SLC25A12: variants seen among roughly 807,000 people sequenced by gnomAD.
SLC25A12 encodes electrogenic aspartate/glutamate antiporter SLC25A12, mitochondrial.
A neutral mutation model predicts 83.3 loss-of-function variants in SLC25A12; 32 were observed. That is an observed-to-expected ratio of 0.38 (90% confidence interval 0.29 to 0.52). The LOEUF is 0.52. Ranked by LOEUF, SLC25A12 falls within the 20% of genes least tolerant of loss-of-function variation. The pLI is 0.84. For missense variants in SLC25A12, 611 were observed against 835.6 expected, an observed-to-expected ratio of 0.73 and a Z score of 3.31; for synonymous variants, 267 against 291.1, an observed-to-expected ratio of 0.92 and a Z score of 0.84.
rs557124832 is a variant in SLC25A12 at position 171,874,398 on chromosome 2, T to C, written c.67-5575A>G. Among the ~76,000 whole-genome samples, 19 of 152,086 alleles carry C rather than the reference T, an allele frequency of 1.2e-4. No homozygotes were observed. In the East Asian group the frequency reaches 2.1e-3, roughly 17 times the overall value. ...CAAGAGCAGAACTCCATCTCAAATT[T>C]AAAAAAAGAAAAAAGAAAATACTAG... On this transcript the variant is annotated intron_variant, in intron 2 of 17. Coordinates refer to ENST00000422440, the MANE Select transcript of SLC25A12 (RefSeq NM_003705.5).
At chr2:171,835,019 A>T (rs898760576) in intron 6 of SLC25A12, among the ~76,000 whole-genome samples, 154 bp from the exon 7 acceptor site, 1 of 152,266 alleles carries the variant, frequency 6.6e-6, no homozygotes, top group Admixed American at 6.5e-5. Flanking sequence ...TATCACACTG[A>T]AACAGTGCAC....
chr2:171,875,839 G>C (rs1007294331), intron 2 of SLC25A12, among the ~76,000 whole-genome samples: 1 of 150,316 alleles, frequency 6.7e-6, no homozygotes, highest in Non-Finnish European at 1.5e-5. Context: ...TGTTAACCCG[G>C]GCGGCGGAGC....
At chr2:171,839,562 T>C (rs562242011) in intron 5 of SLC25A12, among the ~76,000 whole-genome samples, 13 of 152,228 alleles carry the variant, frequency 8.5e-5, no homozygotes, top group African/African-American at 3.1e-4. Flanking sequence ...CTTGTACATT[T>C]AACTCCACCG....
chr2:171,843,795 C>CTTTTTTTT (rs71013078), intron 5 of SLC25A12, among the ~76,000 whole-genome samples: 3 of 117,298 alleles, frequency 2.6e-5, no homozygotes, highest in Non-Finnish European at 5.0e-5. Context: ...AAAGAACTAG[C>CTTTTTTTT]TTTTTTTTTT....
chr2:171,800,767 C>A lies in SLC25A12; in HGVS notation c.1306-7000G>T, dbSNP rs1683695373. Among the ~76,000 whole-genome samples, 8 of 152,246 alleles carry A rather than the reference C, an allele frequency of 5.3e-5. No homozygotes were observed. In the South Asian group the frequency reaches 1.7e-3, roughly 32 times the overall value. Reference sequence around the variant, plus strand: ...GGTAAATTCGTACGATGAAATACTACTCAGCAAAATTTAAAACAAACACAA... The same window carrying A: ...GGTAAATTCGTACGATGAAATACTAATCAGCAAAATTTAAAACAAACACAA... On this transcript the variant is annotated intron_variant, in intron 13 of 17. Coordinates refer to ENST00000422440, the MANE Select transcript of SLC25A12 (RefSeq NM_003705.5).
Position 171,837,239 on chromosome 2 carries a change from G to A in SLC25A12, c.494C>T (p.Ala165Val). 1 of 1,613,996 alleles carries A rather than the reference G, an allele frequency of 6.2e-7. No homozygotes were observed. Among genetic ancestry groups the A allele is most frequent in the South Asian group, 1.1e-5 (1 of 91,062 alleles). Residue 165 changes from alanine to valine, a missense_variant, in exon 6 of 18, where the codon GCC becomes GTC. Physicochemically the swap from Ala to Val is moderately conservative, Grantham distance 64. Transcript: ENST00000422440. ...QELQLEHARQ[A>V]FALKDKSKSG... is the part of the protein sequence containing the mutation. ...TTTGCTTTTGTCTTTGAGTGCAAAG[G>A]CTTGTCTTGCATGTTCCAATTGCAG...
chr2:171,809,254 G>C (rs1400497279), intron 13 of SLC25A12, among the ~76,000 whole-genome samples: 1 of 152,104 alleles, frequency 6.6e-6, no homozygotes, highest in Non-Finnish European at 1.5e-5. Context: ...GGTATTTCTA[G>C]TTCTAGATCC....
Position 171,841,175 on chromosome 2 carries a change from G to C in SLC25A12, c.465+3194C>G, listed in dbSNP as rs1051854064. The stretch of plus-strand genomic sequence containing the variant: ...GCTTACTGCAACTTCTGCCTCCCAG[G>C]CTCAAGAGATTCTCCTGCCTCAGCC... On this transcript the variant is annotated intron_variant, in intron 5 of 17. Coordinates refer to ENST00000422440, the MANE Select transcript of SLC25A12 (RefSeq NM_003705.5). Among the ~76,000 whole-genome samples, 5 of 152,270 alleles carry C rather than the reference G, an allele frequency of 3.3e-5. No individual in the cohort carries two copies. In the East Asian group the frequency reaches 9.6e-4, roughly 29 times the overall value.
At chr2:171,837,310 A>AT in intron 5 of SLC25A12, 43 bp from the exon 6 acceptor site, 2 of 1,605,494 alleles carry the variant, frequency 1.2e-6, no homozygotes, top group Non-Finnish European at 1.7e-6. Context: ...GGTTAAACAC[A>AT]TTCCAAGTAC....
chr2:171,850,661 G>C (rs1228870541), intron 4 of SLC25A12, among the ~76,000 whole-genome samples: 2 of 151,202 alleles, frequency 1.3e-5, no homozygotes, highest in East Asian at 3.9e-4. Context: ...CACTGCACCC[G>C]GCCCAGCCAG....
chr2:171,819,214 T>C (rs1360746570), intron 9 of SLC25A12, among the ~76,000 whole-genome samples: 1 of 128,108 alleles, frequency 7.8e-6, no homozygotes, highest in African/African-American at 3.0e-5. Context: ...ATATAATATA[T>C]AATACATATT....
At chr2:171,865,363 T>C (rs889953814) in intron 3 of SLC25A12, among the ~76,000 whole-genome samples, 1 of 152,194 alleles carries the variant, frequency 6.6e-6, no homozygotes, top group African/African-American at 2.4e-5. Flanking sequence ...ACAACTAGTA[T>C]ATACCAATTT....
intron 3 of SLC25A12, among the ~76,000 whole-genome samples, chr2:171,863,668 T>C (rs899489789): frequency 6.6e-6 from 1 of 152,212 alleles, no homozygotes; most frequent in Non-Finnish European, 1.5e-5. Flanking sequence ...TTTGAAAATA[T>C]ATGGATATTC....
Position 171,793,609 on chromosome 2 carries a change from TA to T in SLC25A12, c.1446+17del. 6.2e-7 allele frequency: 1 copy of T among 1,613,364 alleles called. No individual in the cohort carries two copies. Among genetic ancestry groups the T allele is most frequent in the Non-Finnish European group, 8.5e-7 (1 of 1,179,298 alleles). On this transcript the variant is annotated intron_variant, in intron 14 of 17. Transcript: ENST00000422440. ...CTTTCATATTTTATTGAGTACATTA[TA>T]ACCTAAACCTACCCACCTTATACAG...
intron 2 of SLC25A12, among the ~76,000 whole-genome samples, chr2:171,874,766 G>A (rs1685529502): frequency 6.6e-6 from 1 of 152,152 alleles, no homozygotes; most frequent in African/African-American, 2.4e-5. Flanking sequence ...ATCCTAAGCA[G>A]AATTAATGCA....
At chr2:171,829,521 A>T (rs954083991) in intron 8 of SLC25A12, among the ~76,000 whole-genome samples, 2 of 152,136 alleles carry the variant, frequency 1.3e-5, no homozygotes, top group Admixed American at 1.3e-4. Flanking sequence ...GGCCCTGCTA[A>T]GTCCCCTCAC....
rs187601595 is a variant in SLC25A12 at position 171,785,523 on chromosome 2, G to A, written c.1836-48C>T. 3,651 of 1,559,756 alleles carry A rather than the reference G, an allele frequency of 2.3e-3. 12 individuals carry two copies. The highest frequency in any genetic ancestry group is 0.013 in the Middle Eastern group (61 of 4,724). On this transcript the variant is annotated intron_variant, in intron 17 of 17. Transcript: ENST00000422440. Reference sequence around the variant, plus strand: ...TGGTTAGCATGCTCAAGGTGGATGAGCGCAGCTTACAGCTGGACATTTTCG... The same window carrying A: ...TGGTTAGCATGCTCAAGGTGGATGAACGCAGCTTACAGCTGGACATTTTCG...
chr2:171,838,156 C>T (rs1470040286), intron 5 of SLC25A12, among the ~76,000 whole-genome samples: 1 of 152,168 alleles, frequency 6.6e-6, no homozygotes, highest in African/African-American at 2.4e-5. Context: ...ATAGTCATAT[C>T]TAAGTATATA....
At position 171,844,481 on chromosome 2, in the gene SLC25A12, G is replaced by A; in HGVS notation, c.353C>T (p.Thr118Ile). ...FENVKEIFGQ[T>I]IIHHHIPFNW... ...AAAAGGGATATGATGATGAATAATA[G>A]TCTGTCCAAAAATTTCTTTGACATT... Residue 118 changes from threonine to isoleucine, a missense_variant, in exon 5 of 18, where the codon ACT (threonine) becomes ATT (isoleucine). Coordinates refer to ENST00000422440, the MANE Select transcript of SLC25A12 (RefSeq NM_003705.5). 6.2e-7 allele frequency: 1 copy of A among 1,603,604 alleles called. No homozygotes were observed. Among genetic ancestry groups the A allele is most frequent in the East Asian group, 2.2e-5 (1 of 44,764 alleles).
Sources: gnomAD v4.1 joint callset for allele counts (sites outside exome capture counted in the v4.1 genomes callset) on GRCh38, gnomAD v4.1.1 for gene constraint, MANE v1.5 for transcripts, NCBI Gene and HGNC (gene_info 2026-07-23, HGNC 2026-07-21) for gene names.